Variants in FTCDNL1 observed in about 807,000 individuals in gnomAD.
FTCDNL1 encodes the protein formiminotransferase cyclodeaminase N-terminal like, also known as formiminotransferase N-terminal subdomain-containing protein.
FTCDNL1 carries 11 observed loss-of-function variants against 5.9 expected under a neutral mutation model. That is an observed-to-expected ratio of 1.87 (90% confidence interval 1.18 to 3.10). The LOEUF (loss-of-function observed/expected upper bound fraction) is 3.10. FTCDNL1 is among the 30% of genes most tolerant of loss of function. The pLI, the probability that FTCDNL1 is intolerant of heterozygous loss-of-function variation, is 0.00. For synonymous variants in FTCDNL1, 58 were observed against 24.8 expected (o/e 2.34, Z -3.99); for missense variants, 115 against 65.5 (o/e 1.76, Z -2.61).
At chr2:199,712,036 T>C in the FTCDNL1 span, among the ~76,000 whole-genome samples, 1 of 152,090 alleles carries the variant, frequency 6.6e-6, no homozygotes, top group Non-Finnish European at 1.5e-5. Context: ...AAAAAGCTTC[T>C]ATGCAGATTT....
At chr2:199,674,907 A>G in the FTCDNL1 span, among the ~76,000 whole-genome samples, 3 of 152,344 alleles carry the variant, frequency 2.0e-5, no homozygotes, top group Non-Finnish European at 4.4e-5. Context: ...AAGAACATCA[A>G]TAGAGGAGGT....
chr2:199,747,372 C>G, the FTCDNL1 span, among the ~76,000 whole-genome samples: 1 of 152,028 alleles, frequency 6.6e-6, no homozygotes, highest in Non-Finnish European at 1.5e-5. Context: ...ATTTTTGCGG[C>G]CTGGAGTAAT....
the FTCDNL1 span, among the ~76,000 whole-genome samples, chr2:199,710,820 G>A: frequency 6.6e-6 from 1 of 152,094 alleles, no homozygotes; most frequent in Non-Finnish European, 1.5e-5. Context: ...CTCAAAAATA[G>A]TCTCTTCCTG....
chr2:199,792,924 T>C (rs1700001844), intron 3 of FTCDNL1, among the ~76,000 whole-genome samples: 1 of 152,224 alleles, frequency 6.6e-6, no homozygotes, highest in Non-Finnish European at 1.5e-5. Context: ...ACATATTTTT[T>C]CCCCTCTAGA....
chr2:199,848,525 CATT>C (rs1227237207), intron 2 of FTCDNL1, among the ~76,000 whole-genome samples: 1 of 152,196 alleles, frequency 6.6e-6, no homozygotes, highest in African/African-American at 2.4e-5. Flanking sequence ...ATGAGGGAAA[CATT>C]ATACTTTTAT....
the FTCDNL1 span, among the ~76,000 whole-genome samples, chr2:199,746,923 G>A: frequency 2.6e-5 from 4 of 151,922 alleles, no homozygotes; most frequent in East Asian, 5.8e-4. Flanking sequence ...TACCTTAAAC[G>A]TCTTGGGTTG....
At chr2:199,802,219 T>C (rs886336226) in intron 3 of FTCDNL1, among the ~76,000 whole-genome samples, 1 of 152,202 alleles carries the variant, frequency 6.6e-6, no homozygotes, top group Non-Finnish European at 1.5e-5. Flanking sequence ...CCTGTGAACA[T>C]ATTACCCAGG....
At chr2:199,715,682 C>A in the FTCDNL1 span, among the ~76,000 whole-genome samples, 1 of 152,192 alleles carries the variant, frequency 6.6e-6, no homozygotes, top group African/African-American at 2.4e-5. Flanking sequence ...GGGATAGCAA[C>A]CCTATGAGGT....
At chr2:199,761,461 T>A (rs1186775998) in intron 3 of FTCDNL1, among the ~76,000 whole-genome samples, 1 of 152,182 alleles carries the variant, frequency 6.6e-6, no homozygotes, top group East Asian at 1.9e-4. Context: ...AATAGAGCAG[T>A]GGATTCCTGA....
At chr2:199,838,941 G>A (rs555434203) in intron 3 of FTCDNL1, among the ~76,000 whole-genome samples, 1 of 152,060 alleles carries the variant, frequency 6.6e-6, no homozygotes, top group Non-Finnish European at 1.5e-5. Flanking sequence ...GTCTCCACTC[G>A]AGGCTGGACA....
the FTCDNL1 span, among the ~76,000 whole-genome samples, chr2:199,735,029 GT>G: frequency 6.9e-6 from 1 of 145,584 alleles, no homozygotes; most frequent in Non-Finnish European, 1.5e-5. Flanking sequence ...AACCACAAAG[GT>G]GTCTCAAAAC....
chr2:199,771,395 A>C (rs951048473), intron 3 of FTCDNL1, among the ~76,000 whole-genome samples: 1 of 152,226 alleles, frequency 6.6e-6, no homozygotes, highest in South Asian at 2.1e-4. Context: ...AGCAGTATCC[A>C]GTTGACTCAT....
At chr2:199,800,399 T>C (rs1401506716) in intron 3 of FTCDNL1, among the ~76,000 whole-genome samples, 1 of 152,146 alleles carries the variant, frequency 6.6e-6, no homozygotes, top group African/African-American at 2.4e-5. Flanking sequence ...TGGCATGTAC[T>C]CAGCACACGG....
At chr2:199,669,381 T>C in the FTCDNL1 span, among the ~76,000 whole-genome samples, 1 of 152,202 alleles carries the variant, frequency 6.6e-6, no homozygotes, top group Non-Finnish European at 1.5e-5. Context: ...AAGCTAATTT[T>C]CAAAGGTTTC....
At chr2:199,712,122 G>T in the FTCDNL1 span, among the ~76,000 whole-genome samples, 1 of 152,092 alleles carries the variant, frequency 6.6e-6, no homozygotes, top group Non-Finnish European at 1.5e-5. Context: ...AAATGGCCAA[G>T]AGTAAAAATC....
the FTCDNL1 span, among the ~76,000 whole-genome samples, chr2:199,738,561 T>G: frequency 2.0e-5 from 3 of 152,206 alleles, no homozygotes; most frequent in African/African-American, 7.2e-5. Context: ...CTTAAGGGTC[T>G]TTTTCATTAA....
At chr2:199,822,023 A>T (rs1413259371) in intron 3 of FTCDNL1, among the ~76,000 whole-genome samples, 7 of 152,240 alleles carry the variant, frequency 4.6e-5, no homozygotes, top group African/African-American at 1.4e-4. Flanking sequence ...CAGTGCATAT[A>T]AAAGTTATGT....
chr2:199,732,244 C>T, the FTCDNL1 span, among the ~76,000 whole-genome samples: 1 of 152,184 alleles, frequency 6.6e-6, no homozygotes, highest in Non-Finnish European at 1.5e-5. Flanking sequence ...CTTCACATTT[C>T]ACTCTAACTG....
At chr2:199,692,919 A>C in the FTCDNL1 span, among the ~76,000 whole-genome samples, 1 of 152,242 alleles carries the variant, frequency 6.6e-6, no homozygotes, top group South Asian at 2.1e-4. Flanking sequence ...TTGTATACAC[A>C]ATAAAGAAAA....
Sources: gnomAD v4.1 joint callset for allele counts (sites outside exome capture counted in the v4.1 genomes callset) on GRCh38, gnomAD v4.1.1 for gene constraint, MANE v1.5 for transcripts, NCBI Gene and HGNC (gene_info 2026-07-23, HGNC 2026-07-21) for gene names.